DCC: variants seen among roughly 807,000 people sequenced by gnomAD.
DCC encodes DCC netrin 1 receptor.
In DCC, 58 loss-of-function variants were observed where a neutral mutation model predicts 172.5. The observed-to-expected ratio is 0.34, with a 90% CI of 0.27 to 0.42. The LOEUF (loss-of-function observed/expected upper bound fraction) is 0.42. DCC is among the 10% of genes least tolerant of loss of function. The pLI is 1.00. For synonymous variants in DCC, 709 were observed against 644.5 expected (o/e 1.10, Z -1.52); for missense variants, 1,740 against 1,791.0 (o/e 0.97, Z 0.51).
chr18:52,700,340 T>C (rs2036099802), intron 1 of DCC, among the ~76,000 whole-genome samples: 1 of 140,218 alleles, frequency 7.1e-6, no homozygotes, highest in South Asian at 2.3e-4. Context: ...TGCACACCCA[T>C]GCACACTCAC....
At position 52,465,489 on chromosome 18, in the gene DCC, G is replaced by A. The variant is rs534206474; in HGVS notation, c.91+124611G>A. Among the ~76,000 whole-genome samples, 3 of 152,202 alleles carry A rather than the reference G, an allele frequency of 2.0e-5. No homozygotes were observed. In the South Asian group the frequency reaches 6.2e-4, roughly 32 times the overall value. The stretch of plus-strand genomic sequence containing the variant: ...TTCCTGAGTCTCACAGTTATTATAG[G>A]CACAATAGCCACCTCATGCCACTGA... On this transcript the variant is annotated intron_variant, in intron 1 of 28. Transcript: ENST00000442544.
intron 5 of DCC, among the ~76,000 whole-genome samples, chr18:53,051,940 G>T (rs774094085): frequency 2.6e-5 from 4 of 151,736 alleles, no homozygotes; most frequent in Non-Finnish European, 4.4e-5. Flanking sequence ...CCCATTTGTG[G>T]GCTTATGGCA....
chr18:52,854,755 A>AG lies in DCC; in HGVS notation c.413-51286dup, dbSNP rs1346571222. On this transcript the variant is annotated intron_variant, in intron 2 of 28. Transcript: ENST00000442544. ...TATCCATCACAGAAAGCCCGCCAGC[A>AG]GGGTTTGGGGCTATATGTAATTCCA... Among the ~76,000 whole-genome samples the AG allele has an allele frequency of 2.0e-5, 3 of 152,200 alleles. No individual in the cohort carries two copies. In the South Asian group the frequency reaches 6.2e-4, roughly 32 times the overall value.
At chr18:53,045,228 C>T (rs1348343710) in intron 5 of DCC, among the ~76,000 whole-genome samples, 2 of 151,798 alleles carry the variant, frequency 1.3e-5, no homozygotes, top group Non-Finnish European at 2.9e-5. Context: ...GGAAGAATTA[C>T]ATAAAACATT....
At chr18:53,010,784 A>G (rs777000131) in intron 5 of DCC, among the ~76,000 whole-genome samples, 1 of 151,080 alleles carries the variant, frequency 6.6e-6, no homozygotes, top group Non-Finnish European at 1.5e-5. Flanking sequence ...TTTACATTAC[A>G]CACTGTAAGT....
chr18:53,178,947 A>C lies in DCC; in HGVS notation c.1419-15A>C, dbSNP rs2055151556. ...CTTTTTGGAATAATCTTTCTCTGCA[A>C]CTTTGATTTCTCAGGGAACGAGCAT... On this transcript the variant is annotated splice_polypyrimidine_tract_variant and intron_variant, in intron 8 of 28. Transcript: ENST00000442544. 4 of 1,613,752 alleles carry C rather than the reference A, an allele frequency of 2.5e-6. No homozygotes were observed. Among genetic ancestry groups the C allele is most frequent in the Non-Finnish European group, 3.4e-6 (4 of 1,179,822 alleles).
At chr18:52,898,188 AC>A (rs1269525831) in intron 2 of DCC, among the ~76,000 whole-genome samples, 8 of 152,104 alleles carry the variant, frequency 5.3e-5, no homozygotes, top group Non-Finnish European at 1.0e-4. Flanking sequence ...CGTGTTTCCA[AC>A]CCCAAGGTCT....
Position 53,398,138 on chromosome 18 carries a change from A to G in DCC, c.2827+692A>G, listed in dbSNP as rs74905622. 3.1e-3 allele frequency among the ~76,000 whole-genome samples: 469 copies of G among 152,196 alleles called. 2 individuals are homozygous for G. Among genetic ancestry groups the G allele is most frequent in the African/African-American group, 0.011 (441 of 41,558 alleles). On this transcript the variant is annotated intron_variant, in intron 18 of 28. Coordinates refer to ENST00000442544, the MANE Select transcript of DCC (RefSeq NM_005215.4). Reference sequence around the variant, plus strand: ...ACTTCTGAAGAATCCAGGGCTTAACATGTTTTTTTGATGGGTTTCATAATA... The same window carrying G: ...ACTTCTGAAGAATCCAGGGCTTAACGTGTTTTTTTGATGGGTTTCATAATA...
At chr18:53,189,356 G>T in intron 9 of DCC, among the ~76,000 whole-genome samples, 1 of 152,082 alleles carries the variant, frequency 6.6e-6, no homozygotes, top group East Asian at 1.9e-4. Context: ...ATCCAAACCT[G>T]TGGTCAATGT....
At chr18:52,515,538 C>T (rs1477282768) in intron 1 of DCC, among the ~76,000 whole-genome samples, 2 of 135,350 alleles carry the variant, frequency 1.5e-5, no homozygotes, top group East Asian at 2.5e-4. Flanking sequence ...ACCCAGGAGG[C>T]TGAGCTTGCA....
At chr18:53,511,496 C>T (rs1309172587) in intron 27 of DCC, among the ~76,000 whole-genome samples, 4 of 152,206 alleles carry the variant, frequency 2.6e-5, no homozygotes, top group African/African-American at 7.2e-5. Context: ...TCTACAGCTC[C>T]CAGCGTGAGA....
intron 1 of DCC, among the ~76,000 whole-genome samples, chr18:52,462,420 C>T (rs1988659547): frequency 6.6e-6 from 1 of 152,080 alleles, no homozygotes; most frequent in Admixed American, 6.5e-5. Flanking sequence ...TAATTCTCAT[C>T]CTATTTCATT....
At chr18:52,795,980 C>T (rs1173473062) in intron 2 of DCC, among the ~76,000 whole-genome samples, 1 of 151,408 alleles carries the variant, frequency 6.6e-6, no homozygotes, top group Non-Finnish European at 1.5e-5. Context: ...GCTATATCCT[C>T]CTGCTAATAT....
At chr18:53,065,371 A>G (rs2042550804) in intron 6 of DCC, among the ~76,000 whole-genome samples, 1 of 152,160 alleles carries the variant, frequency 6.6e-6, no homozygotes. Context: ...TTTATCATCC[A>G]TCCTTGAAAA....
intron 14 of DCC, among the ~76,000 whole-genome samples, chr18:53,335,017 T>C (rs997487214): frequency 3.0e-4 from 45 of 152,194 alleles, no homozygotes; most frequent in African/African-American, 1.1e-3. Flanking sequence ...CCTTATATGG[T>C]TTCTTTATAG....
intron 1 of DCC, among the ~76,000 whole-genome samples, chr18:52,540,464 T>TA (rs1459547199): frequency 1.3e-5 from 2 of 152,156 alleles, no homozygotes; most frequent in African/African-American, 4.8e-5. Flanking sequence ...TGTCCCTTTT[T>TA]ATTGACATTG....
At chr18:52,860,497 C>T (rs1005211458) in intron 2 of DCC, among the ~76,000 whole-genome samples, 2 of 152,176 alleles carry the variant, frequency 1.3e-5, no homozygotes, top group Non-Finnish European at 2.9e-5. Flanking sequence ...ACCTCCAAAA[C>T]AATGGGCAGG....
At chr18:53,224,540 A>T (rs2055995176) in intron 12 of DCC, among the ~76,000 whole-genome samples, 1 of 152,164 alleles carries the variant, frequency 6.6e-6, no homozygotes, top group African/African-American at 2.4e-5. Flanking sequence ...GGTGGAACGT[A>T]GAGGAAGCAG....
chr18:53,137,245 A>G (rs1424950305), intron 7 of DCC, among the ~76,000 whole-genome samples: 1 of 152,174 alleles, frequency 6.6e-6, no homozygotes, highest in Non-Finnish European at 1.5e-5. Context: ...GGTATTGGCC[A>G]AGGTTGAGGT....
Sources: allele counts gnomAD v4.1 joint callset (sites outside exome capture counted in the v4.1 genomes callset), GRCh38; gene constraint gnomAD v4.1.1; transcripts MANE v1.5; gene names NCBI Gene and HGNC (gene_info 2026-07-23, HGNC 2026-07-21).